The following TMEM40 variants were observed in gnomAD, a reference collection of about 807,000 sequenced individuals.
TMEM40 encodes transmembrane protein 40.
In TMEM40, 34 loss-of-function variants were observed where a neutral mutation model predicts 40.8. The observed-to-expected ratio is 0.83, with a 90% confidence interval of 0.63 to 1.11. The LOEUF is 1.11. Ranked by LOEUF, TMEM40 falls within the 50% of genes least tolerant of loss-of-function variation. TMEM40 has a pLI of 0.00. For missense variants in TMEM40, 296 were observed against 280.2 expected (o/e 1.06, Z -0.40); for synonymous variants, 106 against 107.0 (o/e 0.99, Z 0.06).
intron 2 of TMEM40, among the ~76,000 whole-genome samples, chr3:12,749,176 C>G (rs546499472): frequency 2.6e-5 from 4 of 151,984 alleles, no homozygotes; most frequent in Non-Finnish European, 4.4e-5. Context: ...AGGCGCCCAC[C>G]GCCACACCCG....
intron 1 of TMEM40, among the ~76,000 whole-genome samples, chr3:12,769,072 C>A (rs2061609797): frequency 6.6e-6 from 1 of 152,108 alleles, no homozygotes; most frequent in African/African-American, 2.4e-5. Context: ...GCTGGCATTG[C>A]TGGGGTACCC....
At chr3:12,757,060 T>A (rs1381844776) in intron 1 of TMEM40, among the ~76,000 whole-genome samples, 1 of 152,064 alleles carries the variant, frequency 6.6e-6, no homozygotes, top group Non-Finnish European at 1.5e-5. Flanking sequence ...GTTGGAAAAA[T>A]GGGCATGCCT....
intron 1 of TMEM40, among the ~76,000 whole-genome samples, chr3:12,767,777 G>A (rs1348383999): frequency 6.6e-6 from 1 of 152,144 alleles, no homozygotes; most frequent in Non-Finnish European, 1.5e-5. Context: ...GGCAAGGAGG[G>A]TCAAAGGCCT....
chr3:12,763,512 C>T (rs915897503), upstream of TMEM40, among the ~76,000 whole-genome samples: 5 of 152,178 alleles, frequency 3.3e-5, no homozygotes, highest in African/African-American at 1.2e-4. Flanking sequence ...CCTGTGAGCA[C>T]AGCTGACAGC....
intron 1 of TMEM40, among the ~76,000 whole-genome samples, chr3:12,753,509 C>A (rs1209319604): frequency 6.6e-6 from 1 of 152,054 alleles, no homozygotes; most frequent in Non-Finnish European, 1.5e-5. Context: ...CAGGCATGAG[C>A]CACCACACCC....
At chr3:12,747,889 C>T (rs1458609882) in intron 3 of TMEM40, among the ~76,000 whole-genome samples, 1 of 101,544 alleles carries the variant, frequency 9.8e-6, no homozygotes, top group Admixed American at 1.6e-4. Context: ...CTAGCCTGGG[C>T]AACAGAGCAA....
At position 12,748,689 on chromosome 3, in the gene TMEM40, T is replaced by TGAGGAGGAA. The variant is rs1186188920; in HGVS notation, c.168_176dup (p.Ser68_Ser70dup). On this transcript the variant is annotated inframe_insertion, in exon 3 of 12. Coordinates refer to ENST00000314124, the MANE Select transcript of TMEM40 (RefSeq NM_018306.4). The stretch of plus-strand genomic sequence containing the variant: ...AGGAGGATGAAGAAGATGAGGAGGA[T>TGAGGAGGAA]GAGGAGGAAGAGGAGGAGGAGGAAG... The TGAGGAGGAA allele has an allele frequency of 1.9e-6, 3 of 1,612,718 alleles. No individual in the cohort carries two copies. In the African/African-American group the frequency reaches 4.0e-5, roughly 22 times the overall value.
intron 1 of TMEM40, among the ~76,000 whole-genome samples, chr3:12,767,880 C>A (rs928321186): frequency 6.6e-6 from 1 of 152,136 alleles, no homozygotes. Flanking sequence ...TGTCTCCACA[C>A]CCCTTATAGC....
intron 7 of TMEM40, 137 bp from the exon 8 acceptor site, chr3:12,737,891 A>C: frequency 1.0e-6 from 1 of 991,944 alleles, no homozygotes; most frequent in Non-Finnish European, 1.6e-6. Flanking sequence ...AGGACCAGTC[A>C]AACTGTGAAG....
In TMEM40 at chr3:12,747,910, CAAAAAAAAAAAA is replaced by C. The variant is rs747586371; in HGVS notation, c.211+733_211+744del. On this transcript the variant is annotated intron_variant, in intron 3 of 11. Transcript: ENST00000314124. The stretch of plus-strand genomic sequence containing the variant: ...TGGGCAACAGAGCAAGATTCTGTCT[CAAAAAAAAAAAA>C]AAAAAAAAAAAAAAGATGCTATTGG... Among the ~76,000 whole-genome samples the C allele has an allele frequency of 3.8e-3, 106 of 27,582 alleles. 1 individual carries two copies. The highest frequency in any genetic ancestry group is 9.5e-3 in the African/African-American group (87 of 9,122). The allele number at this position is 27,582 out of a possible 152,430, so 18.1% of individuals were successfully genotyped here.
At chr3:12,766,612 AT>A (rs1575749698) in intron 1 of TMEM40, among the ~76,000 whole-genome samples, 3 of 149,940 alleles carry the variant, frequency 2.0e-5, no homozygotes, top group Admixed American at 6.6e-5. Context: ...AAAAAAAAGG[AT>A]TATTTATATA....
chr3:12,755,180 C>CCT (rs1559533118), intron 1 of TMEM40, among the ~76,000 whole-genome samples: 2 of 127,918 alleles, frequency 1.6e-5, no homozygotes, highest in African/African-American at 6.8e-5. Context: ...TTCTCTCTCT[C>CCT]TCCTTCCTTC....
intron 1 of TMEM40, among the ~76,000 whole-genome samples, chr3:12,753,124 T>C (rs1481761842): frequency 6.6e-6 from 1 of 152,132 alleles, no homozygotes; most frequent in African/African-American, 2.4e-5. Context: ...GAAGACCCGA[T>C]GTGGCTCTGT....
chr3:12,762,417 T>TG (rs1214444953), upstream of TMEM40, among the ~76,000 whole-genome samples: 2 of 152,238 alleles, frequency 1.3e-5, no homozygotes, highest in African/African-American at 2.4e-5. Flanking sequence ...TGGCAGAGGC[T>TG]GGAGTACTGT....
At chr3:12,745,777 A>G (rs55911205) in intron 3 of TMEM40, among the ~76,000 whole-genome samples, 6,250 of 152,078 alleles carry the variant, frequency 0.041, 375 homozygotes, top group African/African-American at 0.13. Context: ...AAAAGGTATT[A>G]TGGAATATAT....
chr3:12,742,561 C>T, intron 4 of TMEM40, 54 bp from the exon 5 acceptor site: 1 of 1,591,552 alleles, frequency 6.3e-7, no homozygotes, highest in Admixed American at 1.7e-5. Context: ...TGATCCAGGC[C>T]ACTTCCCTCT....
At chr3:12,737,246 C>T (rs928927985) in intron 8 of TMEM40, among the ~76,000 whole-genome samples, 7 of 151,304 alleles carry the variant, frequency 4.6e-5, no homozygotes, top group Non-Finnish European at 1.0e-4. Flanking sequence ...TCCTCTTGCC[C>T]TCCCCTTCCT....
At position 12,743,902 on chromosome 3, in the gene TMEM40, G is replaced by C; in HGVS notation, c.299C>G (p.Pro100Arg). 1 of 1,613,232 alleles carries C rather than the reference G, an allele frequency of 6.2e-7. No individual in the cohort carries two copies. Among genetic ancestry groups the C allele is most frequent in the Non-Finnish European group, 8.5e-7 (1 of 1,179,686 alleles). ...GAGYPHGNGS[P>R]GPGHGEPDVL... ...AAATGGTAAGGCCTATTTCCTACCG[G>C]GTGAGCCGTTCCCGTGGGGGTATCC... The change falls in exon 4 of 12, where the codon CCC (proline) becomes CGC (arginine). Residue 100 changes from proline (P) to arginine (R), a missense_variant and splice_region_variant. Transcript: ENST00000314124.
intron 1 of TMEM40, among the ~76,000 whole-genome samples, chr3:12,754,813 C>T (rs1323739905): frequency 6.6e-6 from 1 of 152,098 alleles, no homozygotes; most frequent in Admixed American, 6.6e-5. Flanking sequence ...CAAGTCTCTG[C>T]AGAACTACTC....
Sources: gnomAD v4.1 joint callset for allele counts (sites outside exome capture counted in the v4.1 genomes callset) on GRCh38, gnomAD v4.1.1 for gene constraint, MANE v1.5 for transcripts, NCBI Gene and HGNC (gene_info 2026-07-23, HGNC 2026-07-21) for gene names.